Variants in SPOCK3 observed in about 807,000 individuals in gnomAD.
SPOCK3 encodes the protein testican-3.
SPOCK3 carries 30 observed loss-of-function variants against 56.6 expected under a neutral mutation model. That is an observed-to-expected ratio of 0.53 (90% CI 0.40 to 0.72). The LOEUF (loss-of-function observed/expected upper bound fraction) is 0.72, where lower values mean the gene tolerates loss of function less well. SPOCK3 is among the 30% of genes least tolerant of loss of function. SPOCK3 has a pLI of 0.00. For synonymous variants in SPOCK3, 196 were observed against 183.3 expected (o/e 1.07, Z -0.56); for missense variants, 527 against 530.0 (o/e 0.99, Z 0.06).
chr4:166,935,051 C>T (rs538847695), intron 4 of SPOCK3, among the ~76,000 whole-genome samples: 2 of 152,076 alleles, frequency 1.3e-5, no homozygotes, highest in South Asian at 4.1e-4. Context: ...GGCAGCATAA[C>T]CTCAGATAAG....
intron 2 of SPOCK3, among the ~76,000 whole-genome samples, chr4:167,093,995 GGGC>G (rs1273993885): frequency 1.3e-5 from 2 of 152,034 alleles, no homozygotes; most frequent in Non-Finnish European, 2.9e-5. Flanking sequence ...AAGAATTCTT[GGGC>G]TAGAATAAAT....
chr4:166,846,021 A>AT (rs2126852605), intron 6 of SPOCK3, among the ~76,000 whole-genome samples: 1 of 152,248 alleles, frequency 6.6e-6, no homozygotes, highest in South Asian at 2.1e-4. Flanking sequence ...AATGGTAACT[A>AT]TTTGTGCATC....
At chr4:167,016,478 C>A (rs368299001) in intron 3 of SPOCK3, among the ~76,000 whole-genome samples, 2 of 151,700 alleles carry the variant, frequency 1.3e-5, no homozygotes, top group Non-Finnish European at 2.9e-5. Flanking sequence ...CACTATATTG[C>A]GTATAATTTC....
At chr4:166,865,578 A>G (rs950639887) in intron 6 of SPOCK3, among the ~76,000 whole-genome samples, 2 of 152,234 alleles carry the variant, frequency 1.3e-5, no homozygotes, top group Admixed American at 6.5e-5. Flanking sequence ...CAACTTCAGC[A>G]AAGTCTCAGG....
chr4:166,902,870 T>C (rs1207518678), intron 5 of SPOCK3, among the ~76,000 whole-genome samples: 1 of 150,844 alleles, frequency 6.6e-6, no homozygotes, highest in Non-Finnish European at 1.5e-5. Context: ...AATATTTCAA[T>C]ATCTTTTTAA....
intron 4 of SPOCK3, among the ~76,000 whole-genome samples, chr4:166,920,549 G>A (rs907565332): frequency 7.9e-5 from 12 of 152,166 alleles, no homozygotes; most frequent in Admixed American, 2.0e-4. Context: ...CTAGCTTACA[G>A]TGTCAGCACT....
intron 2 of SPOCK3, among the ~76,000 whole-genome samples, chr4:167,144,593 T>C (rs201155879): frequency 2.0e-5 from 3 of 151,678 alleles, no homozygotes; most frequent in East Asian, 1.9e-4. Context: ...CAGATAGTGA[T>C]AGGTAATAAA....
At chr4:167,064,870 C>T (rs749028612) in intron 2 of SPOCK3, among the ~76,000 whole-genome samples, 4 of 151,278 alleles carry the variant, frequency 2.6e-5, no homozygotes, top group Non-Finnish European at 4.4e-5. Context: ...AAAGGAGGTG[C>T]TAAATCTTAA....
chr4:166,742,605 T>C (rs1297456357), intron 8 of SPOCK3, among the ~76,000 whole-genome samples: 1 of 152,278 alleles, frequency 6.6e-6, no homozygotes, highest in East Asian at 1.9e-4. Flanking sequence ...AAAGACCTTA[T>C]TATAAATTTT....
intron 4 of SPOCK3, among the ~76,000 whole-genome samples, chr4:166,977,098 A>G (rs1746032343): frequency 6.6e-6 from 1 of 152,070 alleles, no homozygotes; most frequent in Non-Finnish European, 1.5e-5. Flanking sequence ...GCATCTGGTG[A>G]TTCTTCTTTA....
chr4:167,155,796 A>C (rs1349311750), intron 2 of SPOCK3, among the ~76,000 whole-genome samples: 1 of 152,134 alleles, frequency 6.6e-6, no homozygotes, highest in South Asian at 2.1e-4. Context: ...TAGAAATACT[A>C]TCCGAGCCAC....
chr4:167,094,788 A>G (rs552872281), intron 2 of SPOCK3, among the ~76,000 whole-genome samples: 2 of 152,176 alleles, frequency 1.3e-5, no homozygotes, highest in Non-Finnish European at 2.9e-5. Context: ...AGACATTGTC[A>G]TAGAATAACA....
chr4:167,050,958 A>G (rs1754144930), intron 3 of SPOCK3, among the ~76,000 whole-genome samples: 1 of 152,178 alleles, frequency 6.6e-6, no homozygotes, highest in Non-Finnish European at 1.5e-5. Context: ...AATAAACTGA[A>G]GATAGTCATT....
At position 167,234,076 on chromosome 4, in the gene SPOCK3, G is replaced by C; in HGVS notation, c.98C>G (p.Ser33Trp). Residue 33 changes from serine to tryptophan, a missense_variant, in exon 2 of 11, where the codon TCG becomes TGG. Transcript: ENST00000357545. The part of the protein sequence containing the change: ...AAAVAAAGGR[S>W]DGGNFLDDKQ... ...ATCATCCAGAAAATTACCGCCGTCC[G>C]ACCGCCCCCCGGCTGCAGCCACCGC... The C allele has an allele frequency of 6.2e-7, 1 of 1,613,758 alleles. No individual in the cohort carries two copies. The highest frequency in any genetic ancestry group is 8.5e-7 in the Non-Finnish European group (1 of 1,179,962).
chr4:167,047,767 C>A (rs979402473), intron 3 of SPOCK3, among the ~76,000 whole-genome samples: 8 of 152,026 alleles, frequency 5.3e-5, no homozygotes, highest in African/African-American at 1.9e-4. Context: ...TGTTAAGTAA[C>A]CCTAGTGCTG....
intron 6 of SPOCK3, among the ~76,000 whole-genome samples, chr4:166,815,056 T>G (rs1198000219): frequency 6.6e-6 from 1 of 152,120 alleles, no homozygotes; most frequent in East Asian, 1.9e-4. Flanking sequence ...TGATTCCATT[T>G]TTCCATGAAC....
At chr4:166,898,003 A>T (rs1413162896) in intron 5 of SPOCK3, among the ~76,000 whole-genome samples, 3 of 151,886 alleles carry the variant, frequency 2.0e-5, no homozygotes, top group Non-Finnish European at 4.4e-5. Flanking sequence ...CCAGTTTGGG[A>T]AACATAGTGA....
At chr4:167,163,318 A>T (rs191532182) in intron 2 of SPOCK3, among the ~76,000 whole-genome samples, 2 of 151,858 alleles carry the variant, frequency 1.3e-5, no homozygotes, top group East Asian at 3.9e-4. Flanking sequence ...TTATGGGTAC[A>T]TAGTAGGTGT....
chr4:166,891,139 C>T lies in SPOCK3; in HGVS notation c.475-1895G>A, dbSNP rs1479931391. On this transcript the variant is annotated intron_variant, in intron 5 of 10. Transcript: ENST00000357545. ...CTCCATCCATCCCTTTATTTTGAGC[C>T]TATGTGTGCTCCATCTTTTAAGAGT... is the stretch of plus-strand genomic sequence containing the variant. Among the ~76,000 whole-genome samples, 6 of 151,858 alleles carry T rather than the reference C, an allele frequency of 4.0e-5. No homozygotes were observed. The East Asian group carries it at 1.2e-3, about 29-fold the overall frequency.
Sources: gnomAD v4.1 joint callset for allele counts (sites outside exome capture counted in the v4.1 genomes callset) on GRCh38, gnomAD v4.1.1 for gene constraint, MANE v1.5 for transcripts, NCBI Gene and HGNC (gene_info 2026-07-23, HGNC 2026-07-21) for gene names.